DHRS2: variants seen among roughly 807,000 people sequenced by gnomAD.
DHRS2 encodes the protein dehydrogenase/reductase 2.
DHRS2 carries 29 observed loss-of-function variants against 26.3 expected under a neutral mutation model. That is an observed-to-expected ratio of 1.10 (90% confidence interval 0.82 to 1.50). DHRS2 has a LOEUF of 1.50. Ranked by LOEUF, DHRS2 falls within the 40% of genes most tolerant of loss-of-function variation. DHRS2 has a pLI of 0.00. For synonymous variants in DHRS2, 164 were observed against 151.3 expected, an observed-to-expected ratio of 1.08 and a Z score of -0.62; for missense variants, 439 against 367.1, an observed-to-expected ratio of 1.20 and a Z score of -1.60.
Position 23,639,211 on chromosome 14 carries a change from G to C in DHRS2, c.173G>C (p.Arg58Pro), listed in dbSNP as rs779338474. The C allele has an allele frequency of 8.7e-6, 14 of 1,613,868 alleles. No homozygotes were observed. Among genetic ancestry groups the C allele is most frequent in the East Asian group, 2.2e-5 (1 of 44,886 alleles). ...TTTGCCATCGCCCGACGTCTGGCCC[G>C]GGACGGGGCCCACGTGGTCATCAGC... Reference protein sequence around the residue: ...IGFAIARRLARDGAHVVISSR... With the variant: ...IGFAIARRLAPDGAHVVISSR... The change falls in exon 3 of 9, where the codon CGG becomes CCG. Residue 58 changes from arginine to proline, a missense_variant. Arg to Pro is a moderately radical substitution (Grantham distance 103, BLOSUM62 -2). Transcript: ENST00000250383.
chr14:23,641,528 C>A, intron 4 of DHRS2: 1 of 1,145,272 alleles, frequency 8.7e-7, no homozygotes. Context: ...GTTCCTGAGT[C>A]CAGGAGGGGT....
At chr14:23,638,004 CG>C (rs1566699246) in intron 1 of DHRS2, 1 of 152,182 alleles carries the variant, frequency 6.6e-6, no homozygotes, top group African/African-American at 2.4e-5. Flanking sequence ...TTTGTTCTTT[CG>C]CTCTTTGCAA....
intron 4 of DHRS2, chr14:23,640,503 C>T (rs762024591): frequency 4.3e-6 from 4 of 929,742 alleles, no homozygotes; most frequent in South Asian, 5.0e-5. Context: ...TGCCTTGAAG[C>T]TCATCTTGGG....
intron 2 of DHRS2, 33 bp downstream of exon 2, chr14:23,639,037 C>G (rs1473113915): frequency 6.2e-7 from 1 of 1,606,926 alleles, no homozygotes; most frequent in Admixed American, 1.7e-5. Context: ...GTCCTGGCCC[C>G]TCACAGGGTC....
upstream of DHRS2, among the ~76,000 whole-genome samples, chr14:23,634,987 C>T (rs1348647488): frequency 6.6e-6 from 1 of 152,202 alleles, no homozygotes; most frequent in Admixed American, 6.5e-5. Flanking sequence ...GAGGCCTTCC[C>T]AGCCATGCTT....
Position 23,639,196 on chromosome 14 carries a change from C to A in DHRS2, c.158C>A (p.Ala53Asp), listed in dbSNP as rs766035204. The change falls in exon 3 of 9, where the codon GCC becomes GAC. Residue 53 changes from alanine to aspartate, a missense_variant. Transcript: ENST00000250383. ...GCATTCAGGATCGGCTTTGCCATCG[C>A]CCGACGTCTGGCCCGGGACGGGGCC... ...GSTSGIGFAI[A>D]RRLARDGAHV... 2.5e-6 allele frequency: 4 copies of A among 1,613,656 alleles called. No homozygotes were observed. The highest frequency in any genetic ancestry group is 3.3e-5 in the Admixed American group (2 of 59,976).
intron 1 of DHRS2, 47 bp from the exon 2 acceptor site, chr14:23,638,780 T>G: frequency 6.5e-7 from 1 of 1,543,880 alleles, no homozygotes; most frequent in Non-Finnish European, 8.8e-7. Flanking sequence ...ATTACCTTCA[T>G]GCTCACTGAG....
At chr14:23,642,112 G>C (rs1399632564) in intron 4 of DHRS2, 1 of 1,054,392 alleles carries the variant, frequency 9.5e-7, no homozygotes, top group Admixed American at 5.0e-5. Context: ...TCACAAGCAG[G>C]ATCAGCATAG....
rs201721346 is a variant in DHRS2, at chr14:23,639,783, C to T, written c.319-11C>T. 19 of 1,598,914 alleles carry T rather than the reference C, an allele frequency of 1.2e-5. No individual in the cohort carries two copies. In the Admixed American group the frequency reaches 2.6e-4, roughly 22 times the overall value. On this transcript the variant is annotated splice_polypyrimidine_tract_variant and intron_variant, in intron 3 of 8. Transcript: ENST00000250383. The stretch of plus-strand genomic sequence containing the variant: ...GGCCATCTCCACACTCATCCAATCT[C>T]CTCTCCGCAGGCCCTGGAGCACTGT...
At position 23,644,421 on chromosome 14, in the gene DHRS2, T is replaced by A. The variant is rs1258848103; in HGVS notation, c.553T>A (p.Tyr185Asn). 1.2e-6 allele frequency: 2 copies of A among 1,614,162 alleles called. No homozygotes were observed. The highest frequency in any genetic ancestry group is 1.6e-4 in the Middle Eastern group (1 of 6,062). The change falls in exon 7 of 9, where the codon TAC (tyrosine) becomes AAC (asparagine). Residue 185 changes from tyrosine (Y) to asparagine (N), a missense_variant. By Grantham distance (143) the Tyr-to-Asn change is moderately radical. Coordinates refer to ENST00000250383, the MANE Select transcript of DHRS2 (RefSeq NM_005794.4). ...ATTCCCTTCCCAGGCGCTGGGTGTCTACAATGTCAGCAAGACAGCGCTGCT... is the reference window on the plus strand; with the variant it reads ...ATTCCCTTCCCAGGCGCTGGGTGTCAACAATGTCAGCAAGACAGCGCTGCT... ...AYNPVVALGV[Y>N]NVSKTALLGL...
intron 4 of DHRS2, chr14:23,641,506 G>A: frequency 1.1e-6 from 1 of 898,612 alleles, no homozygotes; most frequent in South Asian, 1.7e-5. Flanking sequence ...CCTTTTCTTT[G>A]GCTTGGTTTT....
At chr14:23,641,078 A>G (rs1033149275) in intron 4 of DHRS2, 3 of 152,590 alleles carry the variant, frequency 2.0e-5, no homozygotes, top group African/African-American at 7.2e-5. Flanking sequence ...CTTGGCCTTC[A>G]GTGAGCAATT....
At chr14:23,630,702 A>G (rs1375136931) in intron 1 of DHRS2, among the ~76,000 whole-genome samples, 1 of 152,238 alleles carries the variant, frequency 6.6e-6, no homozygotes, top group African/African-American at 2.4e-5. Flanking sequence ...GCTTGATTTT[A>G]TACATCTTAG....
At chr14:23,638,268 A>G in intron 1 of DHRS2, 1 of 153,450 alleles carries the variant, frequency 6.5e-6, no homozygotes, top group Non-Finnish European at 1.4e-5. Flanking sequence ...GGGAGGAATG[A>G]ACAACTCCGG....
rs368024507 is a variant in DHRS2 at position 23,645,411 on chromosome 14, C to T, written c.*158C>T. The T allele has an allele frequency of 3.0e-4, 431 of 1,458,202 alleles. 1 individual carries two copies. The highest frequency in any genetic ancestry group is 3.3e-4 in the Non-Finnish European group (359 of 1,081,348). 90.3% of individuals were successfully genotyped at this position (1,458,202 alleles called of 1,614,324 possible). Reference sequence around the variant, plus strand: ...GGCTTGAGGAAGAAGAAAAACGCTTCGGCATTCTCCTTAGGACTTATCTGC... The same window carrying T: ...GGCTTGAGGAAGAAGAAAAACGCTTTGGCATTCTCCTTAGGACTTATCTGC... On this transcript the variant is annotated 3_prime_UTR_variant, in exon 9 of 9. Coordinates refer to ENST00000250383, the MANE Select transcript of DHRS2 (RefSeq NM_005794.4).
chr14:23,639,827 G>A lies in DHRS2; in HGVS notation c.352G>A (p.Val118Met). 6.2e-7 allele frequency: 1 copy of A among 1,610,272 alleles called. No homozygotes were observed. The highest frequency in any genetic ancestry group is 8.5e-7 in the Non-Finnish European group (1 of 1,177,994). ...GCACTGTGGGGGCGTCGACTTCCTGGTGTGCAGCGCAGGGGTCAACCCTCT... is the reference window on the plus strand; with the variant it reads ...GCACTGTGGGGGCGTCGACTTCCTGATGTGCAGCGCAGGGGTCAACCCTCT... ...LEHCGGVDFLVCSAGVNPLVG... is the reference protein window; with the variant it reads ...LEHCGGVDFLMCSAGVNPLVG... Residue 118 changes from valine to methionine, a missense_variant, in exon 4 of 9, where the codon GTG becomes ATG. Transcript: ENST00000250383.
chr14:23,633,031 T>C (rs886739579), upstream of DHRS2, among the ~76,000 whole-genome samples: 1 of 152,160 alleles, frequency 6.6e-6, no homozygotes, highest in African/African-American at 2.4e-5. Context: ...GAATCCCACA[T>C]AGGGGAAGGC....
chr14:23,642,564 GTGT>G (rs1433842579), intron 4 of DHRS2: 2 of 152,656 alleles, frequency 1.3e-5, no homozygotes, highest in Admixed American at 1.3e-4. Flanking sequence ...TGCTTACAGT[GTGT>G]TGTTGTTTTC....
Position 23,643,139 on chromosome 14 carries a change from G to A in DHRS2, c.421-13G>A. ...GTCTCTCTGCCCTCACCCATGCTCT[G>A]CTCTGATTTCAGATCCTAAGTGTGA... On this transcript the variant is annotated splice_polypyrimidine_tract_variant and intron_variant, in intron 4 of 8. Transcript: ENST00000250383. 6.2e-7 allele frequency: 1 copy of A among 1,613,942 alleles called. No homozygotes were observed. Among genetic ancestry groups the A allele is most frequent in the Admixed American group, 1.7e-5 (1 of 60,030 alleles).
Sources: gnomAD v4.1 joint callset for allele counts (sites outside exome capture counted in the v4.1 genomes callset) on GRCh38, gnomAD v4.1.1 for gene constraint, MANE v1.5 for transcripts, NCBI Gene and HGNC (gene_info 2026-07-23, HGNC 2026-07-21) for gene names.